SCUBE1: variants seen among roughly 807,000 people sequenced by gnomAD.
The protein encoded by SCUBE1 is signal peptide, CUB and EGF-like domain-containing protein 1.
In SCUBE1, 59 loss-of-function variants were observed where a neutral mutation model predicts 124.4. The ratio of observed to expected loss-of-function variants is 0.47; its 90% CI spans 0.38 to 0.59. The LOEUF is 0.59. Ranked by LOEUF, SCUBE1 falls within the 20% of genes least tolerant of loss-of-function variation. The pLI, the probability that SCUBE1 is intolerant of heterozygous loss-of-function variation, is 0.00. For missense variants in SCUBE1, 1,150 were observed against 1,371.2 expected (o/e 0.84, Z 2.55); for synonymous variants, 545 against 550.9 (o/e 0.99, Z 0.15).
rs773904101 is a variant in SCUBE1, at chr22:43,234,637, AT to A, written c.845-2763del. 3.9e-5 allele frequency among the ~76,000 whole-genome samples: 6 copies of A among 152,274 alleles called. No individual in the cohort carries two copies. In the South Asian group the frequency reaches 6.2e-4, roughly 16 times the overall value. ...ATATAGTGAAGGGGGTGCTGGGCTC[AT>A]GGCCCCTGGGGTGCAGCTTTTGCAC... On this transcript the variant is annotated intron_variant, in intron 7 of 21. Transcript: ENST00000360835. The surrounding 1 kb of genome is among the most constrained non-coding windows in gnomAD (Gnocchi z 4.4).
At chr22:43,331,315 C>T (rs1926896621) in intron 2 of SCUBE1, among the ~76,000 whole-genome samples, 1 of 152,048 alleles carries the variant, frequency 6.6e-6, no homozygotes, top group African/African-American at 2.4e-5. Flanking sequence ...CATGTTTTTC[C>T]TTTTCACACA....
intron 21 of SCUBE1, 105 bp from the exon 22 acceptor site, chr22:43,204,254 T>C: frequency 1.1e-6 from 1 of 943,732 alleles, no homozygotes; most frequent in Non-Finnish European, 1.6e-6. Flanking sequence ...GCTGGTGGGT[T>C]TCAGGACCCC....
At chr22:43,284,094 C>T (rs895389573) in intron 4 of SCUBE1, among the ~76,000 whole-genome samples, 20 of 152,208 alleles carry the variant, frequency 1.3e-4, no homozygotes, top group African/African-American at 3.9e-4. Context: ...GACACACGGC[C>T]GTGGTCTTCA....
intron 4 of SCUBE1, among the ~76,000 whole-genome samples, chr22:43,279,457 A>T (rs1489459407): frequency 1.3e-5 from 2 of 152,210 alleles, no homozygotes; most frequent in Non-Finnish European, 2.9e-5. Context: ...GGTCTGCATG[A>T]TTGTGTCCCC....
chr22:43,337,495 T>C (rs1436436444), intron 2 of SCUBE1, among the ~76,000 whole-genome samples: 4 of 152,180 alleles, frequency 2.6e-5, no homozygotes, highest in African/African-American at 9.7e-5. Flanking sequence ...ACCAGCGAGC[T>C]AACCTCTGGC....
chr22:43,223,453 G>A (rs1922183633), intron 10 of SCUBE1, among the ~76,000 whole-genome samples: 1 of 152,186 alleles, frequency 6.6e-6, no homozygotes, highest in Non-Finnish European at 1.5e-5. Flanking sequence ...GCTGTGAGAA[G>A]GTTCATGTCC....
At chr22:43,224,181 G>A (rs184652389) in intron 10 of SCUBE1, among the ~76,000 whole-genome samples, 4 of 152,314 alleles carry the variant, frequency 2.6e-5, no homozygotes, top group South Asian at 2.1e-4. Context: ...TTTGGGTGCC[G>A]TGGGCCACAG....
chr22:43,270,758 ACCTGC>A (rs1346116777), intron 4 of SCUBE1, among the ~76,000 whole-genome samples: 1 of 152,224 alleles, frequency 6.6e-6, no homozygotes, highest in African/African-American at 2.4e-5. Context: ...TGACTTGAAG[ACCTGC>A]CCTTCTCCAG....
intron 4 of SCUBE1, among the ~76,000 whole-genome samples, chr22:43,285,250 C>T (rs17003592): frequency 6.6e-6 from 1 of 151,958 alleles, no homozygotes; most frequent in African/African-American, 2.4e-5. Context: ...TCTAACAGCA[C>T]GACCTGAGGG....
intron 19 of SCUBE1, among the ~76,000 whole-genome samples, chr22:43,209,653 G>A (rs967816302): frequency 2.6e-5 from 4 of 152,228 alleles, no homozygotes; most frequent in Non-Finnish European, 4.4e-5. Context: ...CTCAGCGGGC[G>A]GGAGGAGACC....
At chr22:43,286,347 C>T (rs966483631) in intron 4 of SCUBE1, among the ~76,000 whole-genome samples, 1 of 152,274 alleles carries the variant, frequency 6.6e-6, no homozygotes, top group African/African-American at 2.4e-5. Flanking sequence ...CCTGTGCTGT[C>T]TCCTACAATG....
At chr22:43,250,490 G>A (rs1042939059) in intron 6 of SCUBE1, among the ~76,000 whole-genome samples, 8 of 152,168 alleles carry the variant, frequency 5.3e-5, no homozygotes, top group African/African-American at 1.7e-4. Context: ...CATAAGCATC[G>A]CCAAGCACTC....
At chr22:43,287,306 A>G (rs755342642) in intron 4 of SCUBE1, among the ~76,000 whole-genome samples, 11 of 152,090 alleles carry the variant, frequency 7.2e-5, no homozygotes, top group Non-Finnish European at 1.0e-4. Flanking sequence ...ATCAGTCGCT[A>G]CTCCTAGGAC....
At chr22:43,230,647 CTG>C (rs1318205596) in intron 8 of SCUBE1, among the ~76,000 whole-genome samples, 1 of 152,244 alleles carries the variant, frequency 6.6e-6, no homozygotes, top group Non-Finnish European at 1.5e-5. Flanking sequence ...TGGACAGACA[CTG>C]TGCTCCTGTC....
In SCUBE1 at chr22:43,199,608, C is replaced by T. The variant is rs756463319; in HGVS notation, c.*4389G>A. 1 of 151,380 alleles carries T rather than the reference C, an allele frequency of 6.6e-6. No individual in the cohort carries two copies. Among genetic ancestry groups the T allele is most frequent in the Non-Finnish European group, 1.5e-5 (1 of 68,076 alleles). The allele number at this position is 151,380 out of a possible 1,614,324, so 9.4% of individuals were successfully genotyped here. A position where few individuals can be genotyped will look rare whatever the true frequency, so the allele number is the denominator to read the frequency against. Reference sequence around the variant, plus strand: ...CGTGGGCCCACCGTGAGCCCTGCAGCCTGGGCCACCATGGAGGTGGGGGAG... The same window carrying T: ...CGTGGGCCCACCGTGAGCCCTGCAGTCTGGGCCACCATGGAGGTGGGGGAG... On this transcript the variant is annotated 3_prime_UTR_variant, in exon 22 of 22. Coordinates refer to ENST00000360835, the MANE Select transcript of SCUBE1 (RefSeq NM_173050.5).
intron 6 of SCUBE1, among the ~76,000 whole-genome samples, chr22:43,246,585 A>T (rs1011779102): frequency 2.6e-5 from 4 of 152,198 alleles, no homozygotes; most frequent in Non-Finnish European, 5.9e-5. Flanking sequence ...GAACTGGAAG[A>T]GCTGCTCTCA....
rs1414529313 is a variant in SCUBE1 at position 43,258,585 on chromosome 22, C to T, written c.611-250G>A. ...CAGAATGGACTTGGGGTCGTCTGGGCTTTGATCAGAGCAGGCACAGAGGTG... is the reference window on the plus strand; with the variant it reads ...CAGAATGGACTTGGGGTCGTCTGGGTTTTGATCAGAGCAGGCACAGAGGTG... On this transcript the variant is annotated intron_variant, in intron 5 of 21. Coordinates refer to ENST00000360835, the MANE Select transcript of SCUBE1 (RefSeq NM_173050.5). This position sits in a 1 kb window ranked among gnomAD's most constrained non-coding sequence, Gnocchi z 5.0. Among the ~76,000 whole-genome samples the T allele has an allele frequency of 6.6e-6, 1 of 152,152 alleles. No individual in the cohort carries two copies. The highest frequency in any genetic ancestry group is 1.5e-5 in the Non-Finnish European group (1 of 68,028).
At chr22:43,324,397 A>G (rs1391170995) in intron 2 of SCUBE1, among the ~76,000 whole-genome samples, 1 of 152,176 alleles carries the variant, frequency 6.6e-6, no homozygotes, top group Non-Finnish European at 1.5e-5. Context: ...TAGTTCTCCC[A>G]GGCTGAGCAT....
chr22:43,278,855 C>T (rs1423866971), intron 4 of SCUBE1, among the ~76,000 whole-genome samples: 1 of 152,132 alleles, frequency 6.6e-6, no homozygotes, highest in African/African-American at 2.4e-5. Flanking sequence ...GTATGGAAAC[C>T]ACAGCAAAGC....
Sources: gnomAD v4.1 joint callset for allele counts (sites outside exome capture counted in the v4.1 genomes callset) on GRCh38, gnomAD v4.1.1 for gene constraint, Gnocchi (gnomAD v3.1) non-coding constraint, MANE v1.5 for transcripts, NCBI Gene and HGNC (gene_info 2026-07-23, HGNC 2026-07-21) for gene names.